TPD52: variants seen among roughly 807,000 people sequenced by gnomAD.
TPD52 encodes prostate and colon associated protein.
Under a neutral mutation model 31.3 loss-of-function variants are expected in TPD52, and 17 were observed. The ratio of observed to expected loss-of-function variants is 0.54; its 90% CI spans 0.37 to 0.82. The LOEUF is 0.82. TPD52 is among the 40% of genes least tolerant of loss of function. The pLI, the probability that TPD52 is intolerant of heterozygous loss-of-function variation, is 0.00. For synonymous variants in TPD52, 83 were observed against 89.6 expected, an observed-to-expected ratio of 0.93 and a Z score of 0.42; for missense variants, 212 against 240.1, an observed-to-expected ratio of 0.88 and a Z score of 0.77.
intron 6 of TPD52, among the ~76,000 whole-genome samples, chr8:80,043,081 C>G (rs1004035072): frequency 6.6e-6 from 1 of 152,172 alleles, no homozygotes; most frequent in African/African-American, 2.4e-5. Flanking sequence ...TTCACATCTT[C>G]CCTGGCAGAA....
intron 1 of TPD52, among the ~76,000 whole-genome samples, chr8:80,137,990 G>A (rs1284324131): frequency 6.6e-6 from 1 of 151,888 alleles, no homozygotes; most frequent in African/African-American, 2.4e-5. Flanking sequence ...TGTTGCCCAG[G>A]CTGGAGTGCA....
At chr8:80,129,128 T>C (rs1476276761) in intron 1 of TPD52, among the ~76,000 whole-genome samples, 2 of 152,130 alleles carry the variant, frequency 1.3e-5, no homozygotes, top group Non-Finnish European at 2.9e-5. Flanking sequence ...TCATCTCCTA[T>C]ATATTAGATA....
intron 1 of TPD52, among the ~76,000 whole-genome samples, chr8:80,092,547 A>C (rs528597294): frequency 2.6e-5 from 4 of 152,226 alleles, no homozygotes; most frequent in Admixed American, 6.5e-5. Flanking sequence ...AGTTGAATAA[A>C]GAAAATTGTG....
chr8:80,171,330 G>C (rs921620915), intron 1 of TPD52, 95 bp downstream of exon 1: 1 of 1,525,076 alleles, frequency 6.6e-7, no homozygotes, highest in Non-Finnish European at 8.9e-7. Flanking sequence ...ACCTGCTCGA[G>C]CCGCCGGGCC....
chr8:80,087,091 G>T (rs774579979), intron 1 of TPD52, among the ~76,000 whole-genome samples: 2 of 152,008 alleles, frequency 1.3e-5, no homozygotes, highest in African/African-American at 2.4e-5. Context: ...CAACCGGATG[G>T]GGCTAAACGT....
intron 1 of TPD52, among the ~76,000 whole-genome samples, chr8:80,078,841 C>T (rs1362137908): frequency 1.3e-5 from 2 of 152,120 alleles, no homozygotes; most frequent in African/African-American, 4.8e-5. Context: ...TACACCCAAC[C>T]CTACAACTGC....
intron 2 of TPD52, among the ~76,000 whole-genome samples, chr8:80,061,531 AAATT>A (rs1321924515): frequency 1.3e-5 from 2 of 151,610 alleles, no homozygotes; most frequent in Non-Finnish European, 2.9e-5. Flanking sequence ...AAAAATAAAA[AAATT>A]AACCAGGCAG....
In TPD52 at chr8:80,121,459, A is replaced by C. The variant is rs543204916; in HGVS notation, c.19+49966T>G. On this transcript the variant is annotated intron_variant, in intron 1 of 7. Coordinates refer to ENST00000518937, the MANE Select transcript of TPD52 (RefSeq NM_001025253.3). Reference sequence around the variant, plus strand: ...ATGTTTTTATAACGAGCTCTCAGAGAGTTTTAGGGTTACTCTTACTTAATG... The same window carrying C: ...ATGTTTTTATAACGAGCTCTCAGAGCGTTTTAGGGTTACTCTTACTTAATG... 3.3e-4 allele frequency among the ~76,000 whole-genome samples: 50 copies of C among 152,300 alleles called. No homozygotes were observed. In the South Asian group the frequency reaches 5.6e-3, roughly 17 times the overall value.
intron 1 of TPD52, among the ~76,000 whole-genome samples, chr8:80,164,480 CA>C (rs1318186591): frequency 6.6e-6 from 1 of 152,030 alleles, no homozygotes; most frequent in African/African-American, 2.4e-5. Flanking sequence ...AAACAAACTC[CA>C]GATTGAGGAA....
At chr8:80,157,103 C>G (rs568865477) in intron 1 of TPD52, among the ~76,000 whole-genome samples, 4 of 152,138 alleles carry the variant, frequency 2.6e-5, no homozygotes, top group Non-Finnish European at 5.9e-5. Context: ...CTTTGAAAAG[C>G]TGGTTGCCTC....
At chr8:80,057,707 T>C (rs975980685) in intron 2 of TPD52, among the ~76,000 whole-genome samples, 2 of 152,060 alleles carry the variant, frequency 1.3e-5, no homozygotes, top group Non-Finnish European at 2.9e-5. Context: ...TGAAAAACCA[T>C]GTTCACTACT....
intron 1 of TPD52, among the ~76,000 whole-genome samples, chr8:80,146,982 G>T (rs911182014): frequency 6.6e-6 from 1 of 152,156 alleles, no homozygotes; most frequent in Non-Finnish European, 1.5e-5. Context: ...AGGCCTCACC[G>T]CAGACCTACT....
At chr8:80,171,116 C>A (rs1169128365) in intron 1 of TPD52, 2 of 670,422 alleles carry the variant, frequency 3.0e-6, no homozygotes, top group Non-Finnish European at 5.5e-6. Context: ...GCTTTCCACC[C>A]AAAGCGCATC....
intron 2 of TPD52, among the ~76,000 whole-genome samples, chr8:80,058,593 T>C (rs1412563618): frequency 6.6e-6 from 1 of 150,578 alleles, no homozygotes; most frequent in Non-Finnish European, 1.5e-5. Flanking sequence ...AGTTCAGGAG[T>C]TCAAGACCAG....
chr8:80,152,212 AC>A (rs1810618058), intron 1 of TPD52, among the ~76,000 whole-genome samples: 1 of 152,154 alleles, frequency 6.6e-6, no homozygotes, highest in Admixed American at 6.5e-5. Context: ...AATCTTGAAT[AC>A]CTTTTCCTAC....
rs77104079 is a variant in TPD52, at chr8:80,131,024, C to T, written c.19+40401G>A. On this transcript the variant is annotated intron_variant, in intron 1 of 7. Coordinates refer to ENST00000518937, the MANE Select transcript of TPD52 (RefSeq NM_001025253.3). ...GGGTAATTTTTCACACAGTGTCTTC[C>T]GTAAATTGTTAAAATGTGGGTGGGG... 2.6e-5 allele frequency among the ~76,000 whole-genome samples: 4 copies of T among 152,174 alleles called. No individual in the cohort carries two copies. In the East Asian group the frequency reaches 5.8e-4, roughly 22 times the overall value.
chr8:80,133,763 A>G (rs1809192574), intron 1 of TPD52, among the ~76,000 whole-genome samples: 1 of 149,080 alleles, frequency 6.7e-6, no homozygotes, highest in Non-Finnish European at 1.5e-5. Context: ...GGTACCGCTG[A>G]TGCTAAAAAA....
chr8:80,069,060 TG>T (rs1458618428), intron 1 of TPD52, among the ~76,000 whole-genome samples: 1 of 152,168 alleles, frequency 6.6e-6, no homozygotes, highest in Admixed American at 6.5e-5. Context: ...AGTTAGATTA[TG>T]GGTGTGAAGA....
intron 1 of TPD52, among the ~76,000 whole-genome samples, chr8:80,082,984 T>C (rs1815440629): frequency 6.6e-6 from 1 of 152,146 alleles, no homozygotes; most frequent in Non-Finnish European, 1.5e-5. Context: ...TTATCTCCAG[T>C]CAGATCCCAG....
Sources: allele counts gnomAD v4.1 joint callset (sites outside exome capture counted in the v4.1 genomes callset), GRCh38; gene constraint gnomAD v4.1.1; transcripts MANE v1.5; gene names NCBI Gene and HGNC (gene_info 2026-07-23, HGNC 2026-07-21).